The following SLC24A2 variants were observed in gnomAD, a reference collection of about 807,000 sequenced individuals.
SLC24A2 encodes the protein sodium/potassium/calcium exchanger 2.
Under a neutral mutation model 62.0 loss-of-function variants are expected in SLC24A2, and 36 were observed. The observed-to-expected ratio is 0.58, with a 90% CI of 0.44 to 0.77. The LOEUF is 0.77. SLC24A2 is among the 30% of genes least tolerant of loss of function. The pLI is 0.00. For missense variants in SLC24A2, 846 were observed against 817.9 expected, an observed-to-expected ratio of 1.03 and a Z score of -0.42; for synonymous variants, 358 against 294.0, an observed-to-expected ratio of 1.22 and a Z score of -2.23.
the SLC24A2 span, among the ~76,000 whole-genome samples, chr9:20,104,471 G>C: frequency 6.6e-6 from 1 of 152,222 alleles, no homozygotes; most frequent in Non-Finnish European, 1.5e-5. Context: ...TACCCACAAA[G>C]GGAAGCCCAT....
the SLC24A2 span, among the ~76,000 whole-genome samples, chr9:20,088,597 C>T: frequency 5.3e-5 from 8 of 152,154 alleles, no homozygotes; most frequent in Non-Finnish European, 1.0e-4. Flanking sequence ...CCACCATCTT[C>T]GCTGTTTTGC....
the SLC24A2 span, among the ~76,000 whole-genome samples, chr9:20,303,279 C>T: frequency 7.9e-5 from 12 of 152,152 alleles, no homozygotes; most frequent in Non-Finnish European, 1.2e-4. Flanking sequence ...TACATCCCTC[C>T]TCCCACCTGA....
At chr9:20,127,430 C>A in the SLC24A2 span, among the ~76,000 whole-genome samples, 1 of 152,102 alleles carries the variant, frequency 6.6e-6, no homozygotes, top group African/African-American at 2.4e-5. Context: ...AATTCTTTAA[C>A]TTCAGAAAAA....
intron 2 of SLC24A2, among the ~76,000 whole-genome samples, chr9:19,715,901 C>A (rs1279315442): frequency 6.6e-6 from 1 of 152,138 alleles, no homozygotes; most frequent in Non-Finnish European, 1.5e-5. Context: ...TTTTGAGTTG[C>A]AGTTGTTTTG....
the SLC24A2 span, among the ~76,000 whole-genome samples, chr9:20,061,622 T>C: frequency 4.6e-5 from 7 of 152,246 alleles, no homozygotes; most frequent in African/African-American, 1.7e-4. Flanking sequence ...CCAAGACAAT[T>C]CAATGAGGAA....
the SLC24A2 span, among the ~76,000 whole-genome samples, chr9:20,156,609 A>G: frequency 6.6e-6 from 1 of 151,728 alleles, no homozygotes; most frequent in Non-Finnish European, 1.5e-5. Context: ...AACTCTCTCC[A>G]GTAATTCAGA....
the SLC24A2 span, among the ~76,000 whole-genome samples, chr9:20,103,118 A>C: frequency 3.1e-3 from 473 of 152,308 alleles, 2 homozygotes; most frequent in African/African-American, 0.011. Flanking sequence ...CTGAGATCAA[A>C]CTGCAAGGTG....
the SLC24A2 span, among the ~76,000 whole-genome samples, chr9:19,854,356 G>T: frequency 6.6e-6 from 1 of 151,976 alleles, no homozygotes; most frequent in African/African-American, 2.4e-5. Flanking sequence ...TTTAGAGTTT[G>T]TTAGTTCTTG....
At chr9:19,694,501 G>C (rs1820129776) in intron 2 of SLC24A2, among the ~76,000 whole-genome samples, 5 of 152,048 alleles carry the variant, frequency 3.3e-5, no homozygotes, top group Non-Finnish European at 7.4e-5. Context: ...AAAGGCTACA[G>C]GGAAACTAGC....
chr9:19,907,767 C>T, the SLC24A2 span, among the ~76,000 whole-genome samples: 1 of 152,110 alleles, frequency 6.6e-6, no homozygotes, highest in African/African-American at 2.4e-5. Context: ...CCTAGGAACC[C>T]AACTTACAAG....
the SLC24A2 span, among the ~76,000 whole-genome samples, chr9:20,064,267 G>A: frequency 6.6e-6 from 1 of 152,158 alleles, no homozygotes; most frequent in Non-Finnish European, 1.5e-5. Flanking sequence ...GCACAAAAAT[G>A]CATATTTATA....
the SLC24A2 span, among the ~76,000 whole-genome samples, chr9:19,843,427 G>A: frequency 4.6e-5 from 7 of 152,204 alleles, no homozygotes; most frequent in African/African-American, 1.2e-4. Context: ...CCAGAGAATC[G>A]CTTGAACCTG....
At chr9:20,200,295 T>C in the SLC24A2 span, among the ~76,000 whole-genome samples, 2 of 152,200 alleles carry the variant, frequency 1.3e-5, no homozygotes, top group African/African-American at 2.4e-5. Context: ...TGTGGAGATA[T>C]TGGGAGTCAA....
chr9:20,203,604 G>A, the SLC24A2 span, among the ~76,000 whole-genome samples: 1 of 152,008 alleles, frequency 6.6e-6, no homozygotes, highest in Non-Finnish European at 1.5e-5. Flanking sequence ...AGCACTTCAA[G>A]AGGCCAAGGC....
chr9:20,303,520 C>G, the SLC24A2 span, among the ~76,000 whole-genome samples: 1 of 152,154 alleles, frequency 6.6e-6, no homozygotes, highest in Non-Finnish European at 1.5e-5. Flanking sequence ...GTTCTGACAG[C>G]ATAGTTTAAG....
chr9:20,041,861 T>G, the SLC24A2 span, among the ~76,000 whole-genome samples: 1 of 152,192 alleles, frequency 6.6e-6, no homozygotes, highest in African/African-American at 2.4e-5. Flanking sequence ...TCTTCCAGAG[T>G]GGGGAGTTGG....
intron 4 of SLC24A2, among the ~76,000 whole-genome samples, chr9:19,617,474 T>G (rs555016636): frequency 5.3e-5 from 8 of 152,362 alleles, no homozygotes; most frequent in Non-Finnish European, 7.3e-5. Context: ...TCTATATTCC[T>G]ATTATATATA....
At chr9:19,720,553 T>TA (rs1489075243) in intron 2 of SLC24A2, among the ~76,000 whole-genome samples, 2 of 152,186 alleles carry the variant, frequency 1.3e-5, no homozygotes, top group Non-Finnish European at 2.9e-5. Flanking sequence ...TGAGCGTTGT[T>TA]AAACTGTGGA....
chr9:19,516,461 G>A (rs886471765), intron 10 of SLC24A2, 59 bp from the exon 11 acceptor site: 53 of 1,583,594 alleles, frequency 3.3e-5, no homozygotes, highest in Middle Eastern at 4.2e-4. Context: ...AGTCAGACAC[G>A]TTGAAGAAGG....
Sources: allele counts gnomAD v4.1 joint callset (sites outside exome capture counted in the v4.1 genomes callset), GRCh38; gene constraint gnomAD v4.1.1; transcripts MANE v1.5; gene names NCBI Gene and HGNC (gene_info 2026-07-23, HGNC 2026-07-21).